HTR3D: variants seen among roughly 807,000 people sequenced by gnomAD.
The protein encoded by HTR3D is 5-hydroxytryptamine receptor 3D.
HTR3D carries 47 observed loss-of-function variants against 45.8 expected under a neutral mutation model. The observed-to-expected ratio is 1.03, with a 90% CI of 0.81 to 1.31. The LOEUF (loss-of-function observed/expected upper bound fraction) is 1.31. HTR3D is among the 50% of genes most tolerant of loss of function. The pLI is 0.00. For missense variants in HTR3D, 448 were observed against 506.9 expected (o/e 0.88, Z 1.12); for synonymous variants, 203 against 199.8 (o/e 1.02, Z -0.13).
In HTR3D at chr3:184,039,221, T is replaced by A; in HGVS notation, c.*246T>A. 2.0e-6 allele frequency: 1 copy of A among 498,390 alleles called. No individual in the cohort carries two copies. The highest frequency in any genetic ancestry group is 3.2e-5 in the South Asian group (1 of 31,744). The allele number at this position is 498,390 out of a possible 1,614,324, so 30.9% of individuals were successfully genotyped here. ...CCTGGCTCCTCAGGATTCAGGTTCC[T>A]AGGGTACGTCCTTGATTAAATCACC... On this transcript the variant is annotated 3_prime_UTR_variant, in exon 8 of 8. Coordinates refer to ENST00000428798, the MANE Select transcript of HTR3D (RefSeq NM_001145143.1).
chr3:184,031,650 A>G (rs1289923173), upstream of HTR3D: 8 of 836,808 alleles, frequency 9.6e-6, no homozygotes, highest in African/African-American at 1.7e-5. Context: ...TGATATATAT[A>G]TTATTCAAAG....
At chr3:184,034,825 C>T (rs1308616335) in intron 1 of HTR3D, among the ~76,000 whole-genome samples, 1 of 151,640 alleles carries the variant, frequency 6.6e-6, no homozygotes. Context: ...AAGATTCTGT[C>T]TCAAAAAAAA....
chr3:184,034,081 C>T (rs988388994), intron 1 of HTR3D, among the ~76,000 whole-genome samples: 1 of 152,062 alleles, frequency 6.6e-6, no homozygotes, highest in Non-Finnish European at 1.5e-5. Context: ...ATAGAATTAC[C>T]ATACAACCAA....
chr3:184,034,133 G>A (rs141250120), intron 1 of HTR3D, among the ~76,000 whole-genome samples: 48 of 151,972 alleles, frequency 3.2e-4, no homozygotes, highest in Middle Eastern at 3.4e-3. Flanking sequence ...AAGTGAAAAC[G>A]GGGTATTTGT....
Position 184,038,873 on chromosome 3 carries a change from G to A in HTR3D, c.1113G>A (p.Leu371=), listed in dbSNP as rs778699679. Residue 371 remains leucine, a synonymous_variant, in exon 8 of 8, where the codon CTG becomes CTA. Coordinates refer to ENST00000428798, the MANE Select transcript of HTR3D (RefSeq NM_001145143.1). This position sits in a 1 kb window ranked among gnomAD's most constrained non-coding sequence, Gnocchi z 4.5. The part of the protein sequence containing the change: ...HEAQKQHSVE[L]WVQFSHAMDA... Reference sequence around the variant, plus strand: ...CCCAGAAGCAGCACTCGGTGGAGCTGTGGGTGCAGTTCAGCCACGCGATGG... The same window carrying A: ...CCCAGAAGCAGCACTCGGTGGAGCTATGGGTGCAGTTCAGCCACGCGATGG... The A allele has an allele frequency of 1.2e-6, 2 of 1,614,194 alleles. No homozygotes were observed. Among genetic ancestry groups the A allele is most frequent in the South Asian group, 1.1e-5 (1 of 91,086 alleles).
chr3:184,036,372 C>T lies in HTR3D; in HGVS notation c.198-3C>T, dbSNP rs1208321043. 4.3e-6 allele frequency: 7 copies of T among 1,613,938 alleles called. No individual in the cohort carries two copies. The highest frequency in any genetic ancestry group is 5.1e-6 in the Non-Finnish European group (6 of 1,180,010). ...TCCCTGTCCTTCTCCCACACAGCAT[C>T]AGTGTGGATCAGACACCTGCAGGTC... is the stretch of plus-strand genomic sequence containing the variant. On this transcript the variant is annotated splice_region_variant and splice_polypyrimidine_tract_variant and intron_variant, in intron 3 of 7. Transcript: ENST00000428798.
At position 184,036,807 on chromosome 3, in the gene HTR3D, A is replaced by T. The variant is rs539080120; in HGVS notation, c.427A>T (p.Thr143Ser). 4.0e-5 allele frequency: 62 copies of T among 1,552,008 alleles called. No homozygotes were observed. In the Admixed American group the frequency reaches 6.1e-4, roughly 15 times the overall value. ...FQIHHRTSFRTRREWVLLGIQ... is the reference protein window; with the variant it reads ...FQIHHRTSFRSRREWVLLGIQ... ...AATACATCACAGAACCTCATTCAGA[A>T]CAAGGAGGGAGTGGGTACTGCTGGG... is the stretch of plus-strand genomic sequence containing the variant. Residue 143 changes from threonine to serine, a missense_variant, in exon 5 of 8, where the codon ACA (threonine) becomes TCA (serine). By Grantham distance (58) the Thr-to-Ser change is moderately conservative. Coordinates refer to ENST00000428798, the MANE Select transcript of HTR3D (RefSeq NM_001145143.1).
intron 3 of HTR3D, 83 bp from the exon 4 acceptor site, chr3:184,036,292 A>T (rs1722886728): frequency 1.3e-6 from 2 of 1,552,272 alleles, no homozygotes; most frequent in Non-Finnish European, 1.7e-6. Flanking sequence ...CGAGAATGGG[A>T]TGACCTGACA....
intron 2 of HTR3D, among the ~76,000 whole-genome samples, 164 bp downstream of exon 2, chr3:184,035,386 C>T (rs1722856402): frequency 6.6e-6 from 1 of 152,102 alleles, no homozygotes; most frequent in African/African-American, 2.4e-5. Context: ...GATTATTCTG[C>T]TGGTTTAGGA....
At chr3:184,035,690 C>CTTT (rs760703035) in intron 2 of HTR3D, among the ~76,000 whole-genome samples, 1 of 143,014 alleles carries the variant, frequency 7.0e-6, no homozygotes, top group Non-Finnish European at 1.5e-5. Flanking sequence ...ACAATCAATT[C>CTTT]TTTTTTTTTT....
chr3:184,038,913 C>T lies in HTR3D; in HGVS notation c.1153C>T (p.Arg385Cys), dbSNP rs761481633. ...CCACGCGATGGACGCCCTGCTCTTC[C>T]GCCTCTACCTGCTCTTCATGGCCTC... ...FSHAMDALLF[R>C]LYLLFMASSI... The change falls in exon 8 of 8, where the codon CGC (arginine) becomes TGC (cysteine). Residue 385 changes from arginine to cysteine, a missense_variant. By Grantham distance (180) the Arg-to-Cys change is radical (BLOSUM62 -3). Transcript: ENST00000428798. This position sits in a 1 kb window ranked among gnomAD's most constrained non-coding sequence, Gnocchi z 4.5. 24 of 1,614,054 alleles carry T rather than the reference C, an allele frequency of 1.5e-5. No individual in the cohort carries two copies. The highest frequency in any genetic ancestry group is 3.3e-5 in the Admixed American group (2 of 60,008).
rs778696703 is a variant in HTR3D, at chr3:184,036,050, C to T, written c.147C>T (p.Ser49=). The part of the protein sequence containing the change: ...NPDECGGIKK[S]GMATENLWLS... Reference sequence around the variant, plus strand: ...ATGAATGCGGAGGCATCAAGAAGTCCGGCATGGCAACTGAGAACCTATGGC... The same window carrying T: ...ATGAATGCGGAGGCATCAAGAAGTCTGGCATGGCAACTGAGAACCTATGGC... The change falls in exon 3 of 8, where the codon TCC becomes TCT. Residue 49 remains serine, a synonymous_variant. Transcript: ENST00000428798. 7.7e-6 allele frequency: 12 copies of T among 1,551,468 alleles called. No individual in the cohort carries two copies. The highest frequency in any genetic ancestry group is 3.9e-5 in the Admixed American group (2 of 50,962).
At chr3:184,032,131 T>C (rs1333814301) in intron 1 of HTR3D, among the ~76,000 whole-genome samples, 1 of 151,982 alleles carries the variant, frequency 6.6e-6, no homozygotes, top group Non-Finnish European at 1.5e-5. Flanking sequence ...GTAGCTGGGA[T>C]TACAGGCACC....
Position 184,036,363 on chromosome 3 carries a change from A to G in HTR3D, c.198-12A>G, listed in dbSNP as rs1426953960. On this transcript the variant is annotated splice_polypyrimidine_tract_variant and intron_variant, in intron 3 of 7. Coordinates refer to ENST00000428798, the MANE Select transcript of HTR3D (RefSeq NM_001145143.1). ...GCACCTACCTCCCTGTCCTTCTCCC[A>G]CACAGCATCAGTGTGGATCAGACAC... 1.2e-6 allele frequency: 2 copies of G among 1,613,698 alleles called. No individual in the cohort carries two copies. Among genetic ancestry groups the G allele is most frequent in the South Asian group, 2.2e-5 (2 of 91,026 alleles).
intron 5 of HTR3D, 84 bp downstream of exon 5, chr3:184,036,980 G>A (rs71318351): frequency 0.061 from 83,967 of 1,370,864 alleles, 2,846 homozygotes; most frequent in East Asian, 0.074. Context: ...CGCCCGCCTC[G>A]GCCTCCCAAA....
At position 184,038,611 on chromosome 3, in the gene HTR3D, C is replaced by G; in HGVS notation, c.972C>G (p.Pro324=). 1 of 1,613,438 alleles carries G rather than the reference C, an allele frequency of 6.2e-7. No individual in the cohort carries two copies. The highest frequency in any genetic ancestry group is 8.5e-7 in the Non-Finnish European group (1 of 1,179,678). The change falls in exon 7 of 8, where the codon CCC becomes CCG. Residue 324 remains proline, a synonymous_variant. Coordinates refer to ENST00000428798, the MANE Select transcript of HTR3D (RefSeq NM_001145143.1). This position sits in a 1 kb window ranked among gnomAD's most constrained non-coding sequence, Gnocchi z 4.5. ...QKGNKGPGLT[P]THLPGVKEPE... is the part of the protein sequence containing the mutation. ...GAAATAAGGGCCCGGGTCTCACCCCCACCCACCTGCCCGGTGAGGGAAGTC... is the reference window on the plus strand; with the variant it reads ...GAAATAAGGGCCCGGGTCTCACCCCGACCCACCTGCCCGGTGAGGGAAGTC...
chr3:184,036,987 C>T (rs1188855811), intron 5 of HTR3D, 91 bp downstream of exon 5: 2 of 1,305,502 alleles, frequency 1.5e-6, no homozygotes, highest in Non-Finnish European at 2.1e-6. Flanking sequence ...CTCGGCCTCC[C>T]AAAGTGCTGG....
At chr3:184,036,606 A>G in intron 4 of HTR3D, 62 bp downstream of exon 4, 2 of 1,603,968 alleles carry the variant, frequency 1.2e-6, no homozygotes, top group Non-Finnish European at 1.7e-6. Flanking sequence ...AGAAGAGGAC[A>G]GAAAGCTGGG....
intron 5 of HTR3D, among the ~76,000 whole-genome samples, chr3:184,037,127 C>T (rs188617262): frequency 1.3e-5 from 2 of 152,034 alleles, no homozygotes; most frequent in South Asian, 2.1e-4. Flanking sequence ...GCAACTTCCA[C>T]CTCCTGGGTT....
Sources: gnomAD v4.1 joint callset for allele counts (sites outside exome capture counted in the v4.1 genomes callset) on GRCh38, gnomAD v4.1.1 for gene constraint, Gnocchi (gnomAD v3.1) non-coding constraint, MANE v1.5 for transcripts, NCBI Gene and HGNC (gene_info 2026-07-23, HGNC 2026-07-21) for gene names.